BDNF: variants seen among roughly 807,000 people sequenced by gnomAD.
BDNF encodes the protein brain derived neurotrophic factor, also known as neurotrophic factor BDNF precursor form.
BDNF carries 1 observed loss-of-function variant against 19.5 expected under a neutral mutation model. The ratio of observed to expected loss-of-function variants is 0.05; its 90% confidence interval spans 0.02 to 0.24. The LOEUF is 0.24. Among genes scored for constraint, BDNF ranks in the 10% least tolerant of loss-of-function variants. BDNF has a pLI of 1.00. For synonymous variants in BDNF, 100 were observed against 121.6 expected, an observed-to-expected ratio of 0.82 and a Z score of 1.17; for missense variants, 195 against 317.6, an observed-to-expected ratio of 0.61 and a Z score of 2.93.
At chr11:27,662,284 CT>C (rs1309625910) in intron 1 of BDNF, among the ~76,000 whole-genome samples, 2 of 152,170 alleles carry the variant, frequency 1.3e-5, no homozygotes, top group Non-Finnish European at 2.9e-5. Flanking sequence ...AAGGTAAGTT[CT>C]TTGAGGGAAT....
intron 1 of BDNF, among the ~76,000 whole-genome samples, chr11:27,716,099 G>T (rs1860496135): frequency 6.6e-6 from 1 of 152,084 alleles, no homozygotes; most frequent in East Asian, 1.9e-4. Flanking sequence ...TGTTTTAAGG[G>T]TATTAATCTT....
At chr11:27,720,857 G>A in intron 1 of BDNF, 1 of 800,816 alleles carries the variant, frequency 1.2e-6, no homozygotes, top group Non-Finnish European at 1.5e-6. Flanking sequence ...GTTAATAGTT[G>A]ATCACATGTT....
chr11:27,657,759 T>C lies in BDNF; in HGVS notation c.*62A>G. 6.3e-7 allele frequency: 1 copy of C among 1,594,688 alleles called. No individual in the cohort carries two copies. Among genetic ancestry groups the C allele is most frequent in the South Asian group, 1.1e-5 (1 of 89,534 alleles). On this transcript the variant is annotated 3_prime_UTR_variant, in exon 2 of 2. Coordinates refer to ENST00000356660, the MANE Select transcript of BDNF (RefSeq NM_001709.5). The surrounding 1 kb of genome is among the most constrained non-coding windows in gnomAD (Gnocchi z 5.0). Reference sequence around the variant, plus strand: ...CTTAACTGAATAATTTACCCTGTTATGTATATATACAAATAGATAATTTTT... The same window carrying C: ...CTTAACTGAATAATTTACCCTGTTACGTATATATACAAATAGATAATTTTT...
At chr11:27,712,666 C>A (rs1046946329) in intron 1 of BDNF, among the ~76,000 whole-genome samples, 2 of 151,976 alleles carry the variant, frequency 1.3e-5, no homozygotes, top group Admixed American at 6.6e-5. Context: ...AAGGTACATG[C>A]CACCACGCCC....
intron 1 of BDNF, among the ~76,000 whole-genome samples, chr11:27,709,969 C>T (rs1389396283): frequency 6.6e-6 from 1 of 152,254 alleles, no homozygotes; most frequent in Non-Finnish European, 1.5e-5. Flanking sequence ...AAATGATATA[C>T]AGTTCCTGAG....
At chr11:27,678,492 G>A (rs531255914) in intron 1 of BDNF, among the ~76,000 whole-genome samples, 10 of 152,326 alleles carry the variant, frequency 6.6e-5, no homozygotes, top group African/African-American at 2.4e-4. Flanking sequence ...GTGGTCATCT[G>A]CCATTGCATA....
chr11:27,674,025 T>C (rs370413866), intron 1 of BDNF: 1 of 1,510,430 alleles, frequency 6.6e-7, no homozygotes, highest in African/African-American at 1.4e-5. Context: ...AAGATAAAAT[T>C]AGCAAGAGAA....
intron 1 of BDNF, among the ~76,000 whole-genome samples, chr11:27,693,361 A>T (rs1382946622): frequency 6.6e-6 from 1 of 151,898 alleles, no homozygotes; most frequent in African/African-American, 2.4e-5. Context: ...ATCCCCTAAA[A>T]CCGTGCCCGC....
chr11:27,702,222 T>C (rs1859935383), upstream of BDNF, among the ~76,000 whole-genome samples: 2 of 152,210 alleles, frequency 1.3e-5, no homozygotes, highest in African/African-American at 2.4e-5. Context: ...CGTACTTAAC[T>C]TGGAGTCCCT....
chr11:27,720,369 C>G (rs1240718851), intron 1 of BDNF: 27 of 985,826 alleles, frequency 2.7e-5, no homozygotes, highest in South Asian at 4.7e-5. Context: ...TACACCACCC[C>G]GGTGGCTAGA....
chr11:27,674,128 CCTT>C (rs755113936), intron 1 of BDNF: 3 of 1,611,910 alleles, frequency 1.9e-6, no homozygotes, highest in African/African-American at 1.3e-5. Context: ...ACAGCACAGC[CCTT>C]CTTCTGGGAT....
intron 1 of BDNF, among the ~76,000 whole-genome samples, chr11:27,719,898 C>T (rs920584018): frequency 6.6e-6 from 1 of 151,978 alleles, no homozygotes; most frequent in African/African-American, 2.4e-5. Context: ...TTCCCAACCT[C>T]CACCTCCTCT....
chr11:27,718,729 T>C (rs1459117419), intron 1 of BDNF, among the ~76,000 whole-genome samples: 11 of 152,022 alleles, frequency 7.2e-5, no homozygotes, highest in Non-Finnish European at 1.3e-4. Flanking sequence ...TCCTAGCGCC[T>C]GTTTTTTATC....
upstream of BDNF, chr11:27,700,863 G>A (rs981286166): frequency 7.9e-7 from 1 of 1,266,772 alleles, no homozygotes; most frequent in Non-Finnish European, 1.0e-6. Context: ...AGTGAGAATC[G>A]CACGCCCCGA....
At chr11:27,678,646 A>G (rs1344057942) in intron 1 of BDNF, among the ~76,000 whole-genome samples, 2 of 152,222 alleles carry the variant, frequency 1.3e-5, no homozygotes, top group African/African-American at 4.8e-5. Context: ...TTGTGAACAT[A>G]TAGTTGTTGG....
At position 27,674,481 on chromosome 11, in the gene BDNF, A is replaced by G; in HGVS notation, c.-21-15896T>C. 1.0e-5 allele frequency: 14 copies of G among 1,406,088 alleles called. 2 individuals are homozygous for G. In the South Asian group the frequency reaches 2.3e-4, roughly 23 times the overall value. 87.1% of individuals were successfully genotyped at this position (1,406,088 alleles called of 1,614,324 possible). A position where few individuals can be genotyped will look rare whatever the true frequency, so the allele number is the denominator to read the frequency against. The stretch of plus-strand genomic sequence containing the variant: ...ACGGTTCATTTCAACAGCACGAGTA[A>G]GGCAGTTTCCAGGCCCTGTGCATAA... On this transcript the variant is annotated intron_variant, in intron 1 of 1. Coordinates refer to ENST00000356660, the MANE Select transcript of BDNF (RefSeq NM_001709.5).
chr11:27,701,361 A>C (rs1022627215), upstream of BDNF: 46 of 1,085,096 alleles, frequency 4.2e-5, no homozygotes, highest in African/African-American at 6.6e-4. Flanking sequence ...CTTCGGCCCC[A>C]AAACTCCCAC....
At chr11:27,710,622 C>T (rs757901829) in intron 1 of BDNF, among the ~76,000 whole-genome samples, 1 of 152,218 alleles carries the variant, frequency 6.6e-6, no homozygotes, top group Non-Finnish European at 1.5e-5. Flanking sequence ...ACGTTTTAGA[C>T]TGTGCTTGTC....
chr11:27,715,146 G>C (rs747127127), intron 1 of BDNF, among the ~76,000 whole-genome samples: 14 of 152,138 alleles, frequency 9.2e-5, no homozygotes, highest in Non-Finnish European at 1.6e-4. Context: ...AATTATGAAT[G>C]CTAGAGTCTC....
Sources: gnomAD v4.1 joint callset for allele counts (sites outside exome capture counted in the v4.1 genomes callset) on GRCh38, gnomAD v4.1.1 for gene constraint, Gnocchi (gnomAD v3.1) non-coding constraint, MANE v1.5 for transcripts, NCBI Gene and HGNC (gene_info 2026-07-23, HGNC 2026-07-21) for gene names.